The following UBL3 variants were observed in gnomAD, a reference collection of about 807,000 sequenced individuals.
The protein encoded by UBL3 is ubiquitin like 3.
Under a neutral mutation model 18.4 loss-of-function variants are expected in UBL3, and 6 were observed. The observed-to-expected ratio is 0.33, with a 90% CI of 0.18 to 0.64. The LOEUF is 0.64. Ranked by LOEUF, UBL3 falls within the 30% of genes least tolerant of loss-of-function variation. The pLI, the probability that UBL3 is intolerant of heterozygous loss-of-function variation, is 0.76. For synonymous variants in UBL3, 49 were observed against 46.6 expected (o/e 1.05, Z -0.21); for missense variants, 109 against 142.9 (o/e 0.76, Z 1.21).
intron 1 of UBL3, among the ~76,000 whole-genome samples, chr13:29,848,763 AAAAC>A (rs1459685797): frequency 6.6e-6 from 1 of 152,218 alleles, no homozygotes; most frequent in African/African-American, 2.4e-5. Flanking sequence ...CTTTATAAAC[AAAAC>A]AAAGAAAGGC....
At chr13:29,823,717 T>C (rs1878538994) in intron 1 of UBL3, among the ~76,000 whole-genome samples, 1 of 152,170 alleles carries the variant, frequency 6.6e-6, no homozygotes, top group South Asian at 2.1e-4. Context: ...ATTTTTCTAT[T>C]TATTTTTATT....
intron 1 of UBL3, among the ~76,000 whole-genome samples, chr13:29,815,203 T>C (rs558053103): frequency 1.1e-4 from 16 of 152,056 alleles, no homozygotes; most frequent in African/African-American, 2.9e-4. Context: ...TGAGCACCAA[T>C]ACAGATTTAC....
rs886258479 is a variant in UBL3, at chr13:29,765,915, A to G, written c.*1340T>C. ...GAATGTAATGTCAGCCTGCAACTTC[A>G]TTTTTATAAAGGCTAAACTTATTTA... On this transcript the variant is annotated 3_prime_UTR_variant, in exon 5 of 5. Coordinates refer to ENST00000380680, the MANE Select transcript of UBL3 (RefSeq NM_007106.4). 1.3e-5 allele frequency: 2 copies of G among 152,502 alleles called. No homozygotes were observed. Among genetic ancestry groups the G allele is most frequent in the African/African-American group, 4.8e-5 (2 of 41,430 alleles). 9.4% of individuals were successfully genotyped at this position (152,502 alleles called of 1,614,324 possible). A position where few individuals can be genotyped will look rare whatever the true frequency, so the allele number is the denominator to read the frequency against.
intron 1 of UBL3, among the ~76,000 whole-genome samples, chr13:29,813,398 G>C (rs1054499394): frequency 2.6e-5 from 4 of 151,874 alleles, no homozygotes; most frequent in Non-Finnish European, 5.9e-5. Context: ...ATTATCTTCA[G>C]TAAGAACCAA....
At chr13:29,779,832 C>T (rs1877100252) in intron 1 of UBL3, among the ~76,000 whole-genome samples, 1 of 152,166 alleles carries the variant, frequency 6.6e-6, no homozygotes, top group Non-Finnish European at 1.5e-5. Flanking sequence ...GAAGTTTTAC[C>T]TCCCAAAGTG....
chr13:29,802,290 T>C (rs1033153754), intron 1 of UBL3, among the ~76,000 whole-genome samples: 6 of 152,218 alleles, frequency 3.9e-5, no homozygotes, highest in African/African-American at 1.4e-4. Flanking sequence ...AGCTTTGGCC[T>C]TCTGAAAACA....
chr13:29,810,047 A>C (rs1878001158), intron 1 of UBL3, among the ~76,000 whole-genome samples: 1 of 152,134 alleles, frequency 6.6e-6, no homozygotes, highest in Non-Finnish European at 1.5e-5. Context: ...GAACCTATGA[A>C]TATGAAAGGC....
At chr13:29,840,786 C>T (rs1193064190) in intron 1 of UBL3, among the ~76,000 whole-genome samples, 1 of 152,088 alleles carries the variant, frequency 6.6e-6, no homozygotes, top group African/African-American at 2.4e-5. Flanking sequence ...TTAAGAATAT[C>T]CATTATGTCA....
chr13:29,810,283 T>G (rs971367318), intron 1 of UBL3, among the ~76,000 whole-genome samples: 1 of 152,066 alleles, frequency 6.6e-6, no homozygotes, highest in Non-Finnish European at 1.5e-5. Context: ...GGGCTAGAAA[T>G]ACACATTTGG....
chr13:29,775,662 C>A (rs376666082), intron 2 of UBL3, among the ~76,000 whole-genome samples: 1 of 152,160 alleles, frequency 6.6e-6, no homozygotes, highest in South Asian at 2.1e-4. Flanking sequence ...GTCACCCAGG[C>A]GGGAGTACAG....
At chr13:29,783,140 T>C (rs1174035052) in intron 1 of UBL3, among the ~76,000 whole-genome samples, 1 of 152,248 alleles carries the variant, frequency 6.6e-6, no homozygotes, top group Non-Finnish European at 1.5e-5. Flanking sequence ...TTGGTAGTGC[T>C]GTGGTCATGC....
intron 1 of UBL3, among the ~76,000 whole-genome samples, chr13:29,848,257 A>G (rs1879276950): frequency 7.2e-6 from 1 of 138,484 alleles, no homozygotes; most frequent in Admixed American, 7.8e-5. Context: ...CAGCCTGGCC[A>G]ACATGGTGAA....
intron 1 of UBL3, among the ~76,000 whole-genome samples, chr13:29,834,015 G>A (rs780637308): frequency 2.0e-5 from 3 of 151,998 alleles, no homozygotes; most frequent in Non-Finnish European, 4.4e-5. Flanking sequence ...GTGAAACCCC[G>A]TCTGTACTAA....
chr13:29,849,664 A>C lies in UBL3; in HGVS notation c.-126T>G. 1.6e-6 allele frequency: 2 copies of C among 1,284,808 alleles called. No individual in the cohort carries two copies. The highest frequency in any genetic ancestry group is 1.1e-6 in the Non-Finnish European group (1 of 911,744). 79.6% of individuals were successfully genotyped at this position (1,284,808 alleles called of 1,614,324 possible). A position where few individuals can be genotyped will look rare whatever the true frequency, so the allele number is the denominator to read the frequency against. On this transcript the variant is annotated 5_prime_UTR_variant, in exon 1 of 5. It adds an upstream start codon to the 5' untranslated region. Coordinates refer to ENST00000380680, the MANE Select transcript of UBL3 (RefSeq NM_007106.4). ...TTCGTGATGTGCTTTCTCCCCCAAA[A>C]ATAAAGTTATTTTGGAGCCAAAGTG...
chr13:29,783,089 G>A lies in UBL3; in HGVS notation c.28-5826C>T, dbSNP rs544673068. ...AGCATTCTGGCATTGTATTGAATGA[G>A]TGGCATAGTATGTAGAACAGGAATG... On this transcript the variant is annotated intron_variant, in intron 1 of 4. Transcript: ENST00000380680. Among the ~76,000 whole-genome samples the A allele has an allele frequency of 3.3e-5, 5 of 152,338 alleles. No individual in the cohort carries two copies. The East Asian group carries it at 9.6e-4, about 29-fold the overall frequency.
At chr13:29,825,138 T>C (rs539109591) in intron 1 of UBL3, among the ~76,000 whole-genome samples, 2 of 152,344 alleles carry the variant, frequency 1.3e-5, no homozygotes, top group East Asian at 1.9e-4. Context: ...AGTCAGGTAA[T>C]GTGATGCCTC....
In UBL3 at chr13:29,786,861, A is replaced by G. The variant is rs1009659717; in HGVS notation, c.28-9598T>C. 2.7e-5 allele frequency among the ~76,000 whole-genome samples: 4 copies of G among 148,078 alleles called. No homozygotes were observed. In the East Asian group the frequency reaches 6.0e-4, roughly 22 times the overall value. On this transcript the variant is annotated intron_variant, in intron 1 of 4. Transcript: ENST00000380680. ...GATTCCTGTTTTTACTTGTGGAAAC[A>G]TTTACCTACCCTATGAGGTAGATAA... is the stretch of plus-strand genomic sequence containing the variant.
chr13:29,816,622 G>T (rs1163965441), intron 1 of UBL3, among the ~76,000 whole-genome samples: 1 of 151,868 alleles, frequency 6.6e-6, no homozygotes, highest in Non-Finnish European at 1.5e-5. Flanking sequence ...GGGCATGGTG[G>T]CACATGCCTG....
At chr13:29,792,292 T>C (rs1215766130) in intron 1 of UBL3, among the ~76,000 whole-genome samples, 1 of 152,226 alleles carries the variant, frequency 6.6e-6, no homozygotes, top group Admixed American at 6.5e-5. Flanking sequence ...TAATATTTTT[T>C]ACCGTTATAC....
Sources: gnomAD v4.1 joint callset for allele counts (sites outside exome capture counted in the v4.1 genomes callset) on GRCh38, gnomAD v4.1.1 for gene constraint, MANE v1.5 for transcripts, NCBI Gene and HGNC (gene_info 2026-07-23, HGNC 2026-07-21) for gene names.